Variants in NLRP14 observed in about 807,000 individuals in gnomAD.
NLRP14 encodes the protein NACHT, LRR and PYD domains-containing protein 14.
Under a neutral mutation model 94.7 loss-of-function variants are expected in NLRP14, and 105 were observed. The observed-to-expected ratio is 1.11, with a 90% CI of 0.95 to 1.30. The LOEUF is 1.30. NLRP14 is among the 50% of genes most tolerant of loss of function. The pLI is 0.00. For synonymous variants in NLRP14, 508 were observed against 459.9 expected (o/e 1.10, Z -1.34); for missense variants, 1,362 against 1,254.1 (o/e 1.09, Z -1.30).
chr11:7,043,868 T>C lies in NLRP14; in HGVS notation c.1842T>C (p.His614=), dbSNP rs777999171. 26 of 1,613,964 alleles carry C rather than the reference T, an allele frequency of 1.6e-5. No homozygotes were observed. The Admixed American group carries it at 3.8e-4, about 24-fold the overall frequency. Residue 614 remains histidine, a synonymous_variant, in exon 4 of 12, where the codon CAT becomes CAC. Transcript: ENST00000299481. ...KVAINICEKI[H]LLVSSFCLKH... is the part of the protein sequence containing the mutation. Reference sequence around the variant, plus strand: ...CCATTAATATTTGTGAGAAAATACATTTGCTTGTATCTTCTTTCTGCCTTA... The same window carrying C: ...CCATTAATATTTGTGAGAAAATACACTTGCTTGTATCTTCTTTCTGCCTTA...
At chr11:7,090,880 G>C in the NLRP14 span, 9 of 171,952 alleles carry the variant, frequency 5.2e-5, no homozygotes, top group South Asian at 1.1e-3. Flanking sequence ...AATCTGAAAA[G>C]TAAATGGATA....
At position 7,068,524 on chromosome 11, in the gene NLRP14, T is replaced by C. The variant is rs572684162; in HGVS notation, c.2976-1762T>C. ...TTAATTTTCAAGCATGAGGCTTTTCTTTTTATATTCAGTCTGTAGAATTGT... is the reference window on the plus strand; with the variant it reads ...TTAATTTTCAAGCATGAGGCTTTTCCTTTTATATTCAGTCTGTAGAATTGT... On this transcript the variant is annotated intron_variant, in intron 10 of 11. Transcript: ENST00000299481. Among the ~76,000 whole-genome samples the C allele has an allele frequency of 2.0e-5, 3 of 152,350 alleles. No homozygotes were observed. The South Asian group carries it at 6.2e-4, about 32-fold the overall frequency.
the NLRP14 span, chr11:7,090,052 A>T: frequency 6.2e-7 from 1 of 1,613,026 alleles, no homozygotes; most frequent in African/African-American, 1.3e-5. Flanking sequence ...TACGAGGAGT[A>T]CCGGGGCTAC....
At chr11:7,044,767 T>A (rs931090482) in intron 4 of NLRP14, among the ~76,000 whole-genome samples, 2 of 152,024 alleles carry the variant, frequency 1.3e-5, no homozygotes, top group Non-Finnish European at 1.5e-5. Context: ...TATAGTGAAC[T>A]GGATATTTAA....
At position 7,025,470 on chromosome 11, in the gene NLRP14, G is replaced by A. The variant is rs557671611; in HGVS notation, c.-22+4700G>A. Among the ~76,000 whole-genome samples, 6 of 152,076 alleles carry A rather than the reference G, an allele frequency of 3.9e-5. No homozygotes were observed. In the East Asian group the frequency reaches 9.6e-4, roughly 24 times the overall value. ...CAGAAATACCCCACAAAAAATTATG[G>A]ACAAGGAAACAGAGAAAGCCAAGAT... On this transcript the variant is annotated intron_variant, in intron 1 of 11. Transcript: ENST00000299481.
chr11:7,050,309 C>G (rs1852423505), intron 6 of NLRP14, among the ~76,000 whole-genome samples: 1 of 152,128 alleles, frequency 6.6e-6, no homozygotes, highest in Non-Finnish European at 1.5e-5. Flanking sequence ...GCCCAGAAGG[C>G]TGAGAAAGAA....
chr11:7,068,682 G>T (rs1258624291), intron 10 of NLRP14, among the ~76,000 whole-genome samples: 1 of 151,972 alleles, frequency 6.6e-6, no homozygotes, highest in Non-Finnish European at 1.5e-5. Context: ...CTAAGTACGG[G>T]GTCTTTTTCT....
the NLRP14 span, among the ~76,000 whole-genome samples, chr11:7,087,472 G>C: frequency 6.6e-6 from 1 of 152,152 alleles, no homozygotes; most frequent in African/African-American, 2.4e-5. Context: ...TATTGTGCCA[G>C]GAGAGCATAT....
intron 1 of NLRP14, among the ~76,000 whole-genome samples, chr11:7,021,332 T>A (rs1851930223): frequency 6.6e-6 from 1 of 152,246 alleles, no homozygotes; most frequent in African/African-American, 2.4e-5. Flanking sequence ...GAACTATATA[T>A]TTACAGTTTG....
chr11:7,062,643 T>G, intron 10 of NLRP14, 140 bp downstream of exon 10: 1 of 772,380 alleles, frequency 1.3e-6, no homozygotes, highest in African/African-American at 1.7e-5. Flanking sequence ...AATCTAAATT[T>G]CAAATAAATG....
the NLRP14 span, among the ~76,000 whole-genome samples, chr11:7,078,462 A>AAAAAAAAAAAAAAAAAAAAAAAAAAAAG: frequency 1.1e-5 from 1 of 88,486 alleles, no homozygotes; most frequent in Non-Finnish European, 2.0e-5. Context: ...AAAAAAAAAA[A>AAAAAAAAAAAAAAAAAAAAAAAAAAAAG]CAAAAAAATT....
the NLRP14 span, chr11:7,090,141 C>T: frequency 6.2e-7 from 1 of 1,613,290 alleles, no homozygotes; most frequent in Non-Finnish European, 8.5e-7. Flanking sequence ...GAGGGGCCGA[C>T]ACCGGGTGGG....
chr11:7,089,456 CG>C, the NLRP14 span: 2 of 1,334,322 alleles, frequency 1.5e-6, no homozygotes, highest in East Asian at 3.4e-5. Context: ...GCGGAACCCG[CG>C]GGGGTGGCGG....
At chr11:7,046,257 C>T (rs1301778006) in intron 4 of NLRP14, among the ~76,000 whole-genome samples, 3 of 152,148 alleles carry the variant, frequency 2.0e-5, no homozygotes, top group Non-Finnish European at 4.4e-5. Context: ...ACCTGGGGCT[C>T]AGGCCTGTGG....
intron 9 of NLRP14, among the ~76,000 whole-genome samples, chr11:7,060,505 C>T (rs1025849446): frequency 6.6e-6 from 1 of 151,852 alleles, no homozygotes; most frequent in Non-Finnish European, 1.5e-5. Context: ...TGAACAGTAG[C>T]CATTTTATTC....
At chr11:7,036,190 A>T (rs773069802) in intron 1 of NLRP14, among the ~76,000 whole-genome samples, 1 of 152,254 alleles carries the variant, frequency 6.6e-6, no homozygotes, top group Non-Finnish European at 1.5e-5. Context: ...TAAAATCCTC[A>T]TAGACCATGG....
chr11:7,088,131 C>T, the NLRP14 span, among the ~76,000 whole-genome samples: 2 of 152,200 alleles, frequency 1.3e-5, no homozygotes, highest in South Asian at 4.1e-4. Flanking sequence ...AGAACTTTGT[C>T]CAACATTTAG....
At position 7,071,328 on chromosome 11, in the gene NLRP14, C is replaced by T. The variant is rs1484641849; in HGVS notation, c.*20C>T. 24 of 1,599,428 alleles carry T rather than the reference C, an allele frequency of 1.5e-5. No homozygotes were observed. Among genetic ancestry groups the T allele is most frequent in the Non-Finnish European group, 2.1e-5 (24 of 1,168,470 alleles). On this transcript the variant is annotated 3_prime_UTR_variant, in exon 12 of 12. Coordinates refer to ENST00000299481, the MANE Select transcript of NLRP14 (RefSeq NM_176822.4). ...TTCTGATTTGAAGAAACTGACATTC[C>T]TTTAAAAATATAAATATAAATACAT...
chr11:7,044,517 C>T (rs1852322630), intron 4 of NLRP14, among the ~76,000 whole-genome samples: 1 of 152,146 alleles, frequency 6.6e-6, no homozygotes, highest in Non-Finnish European at 1.5e-5. Context: ...TGAAGGGTCT[C>T]AGCCCTTTAA....
Sources: gnomAD v4.1 joint callset for allele counts (sites outside exome capture counted in the v4.1 genomes callset) on GRCh38, gnomAD v4.1.1 for gene constraint, MANE v1.5 for transcripts, NCBI Gene and HGNC (gene_info 2026-07-23, HGNC 2026-07-21) for gene names.